The following RRP15 variants were observed in gnomAD, a reference collection of about 807,000 sequenced individuals.
RRP15 encodes ribosomal RNA processing 15 homolog.
A neutral mutation model predicts 27.1 loss-of-function variants in RRP15; 18 were observed. The observed-to-expected ratio is 0.66, with a 90% CI of 0.46 to 0.98. The LOEUF (loss-of-function observed/expected upper bound fraction) is 0.98, where lower values mean the gene tolerates loss of function less well. Ranked by LOEUF, RRP15 falls within the 50% of genes least tolerant of loss-of-function variation. RRP15 has a pLI of 0.00. For missense variants in RRP15, 359 were observed against 337.8 expected, an observed-to-expected ratio of 1.06 and a Z score of -0.49; for synonymous variants, 107 against 109.4, an observed-to-expected ratio of 0.98 and a Z score of 0.14.
intron 4 of RRP15, among the ~76,000 whole-genome samples, chr1:218,323,004 AGCTGGAC>A (rs1656212197): frequency 6.6e-6 from 1 of 152,200 alleles, no homozygotes. Flanking sequence ...GCGAGGCTGC[AGCTGGAC>A]CAGGTGTACT....
At chr1:218,313,982 A>G (rs1390544056) in intron 4 of RRP15, among the ~76,000 whole-genome samples, 1 of 149,974 alleles carries the variant, frequency 6.7e-6, no homozygotes, top group Admixed American at 6.6e-5. Context: ...TTTTTATTTT[A>G]TTTTATTTTA....
Position 218,302,304 on chromosome 1 carries a change from A to G in RRP15, c.150A>G (p.Gly50=). ...TDTSDSEGSC[G]SEKDHFYSDD... ...TCTTTGGTTCTATAGGAAGCTGTGGATCGGAAAAGGACCACTTTTATTCTG... is the reference window on the plus strand; with the variant it reads ...TCTTTGGTTCTATAGGAAGCTGTGGGTCGGAAAAGGACCACTTTTATTCTG... Residue 50 remains glycine (G), a synonymous_variant, in exon 2 of 5, where the codon GGA becomes GGG. Transcript: ENST00000366932. 1 of 1,612,370 alleles carries G rather than the reference A, an allele frequency of 6.2e-7. No individual in the cohort carries two copies. The highest frequency in any genetic ancestry group is 2.2e-5 in the East Asian group (1 of 44,840).
In RRP15 at chr1:218,335,467, A is replaced by G. The variant is rs1656434109; in HGVS notation, c.*4376A>G. ...AAAATTATAGGGACTAAAAGTCTAA[A>G]TCATTGCTGTCAATAGGACTTTTTT... is the stretch of plus-strand genomic sequence containing the variant. On this transcript the variant is annotated 3_prime_UTR_variant, in exon 5 of 5. Coordinates refer to ENST00000366932, the MANE Select transcript of RRP15 (RefSeq NM_016052.4). 6.6e-6 allele frequency: 1 copy of G among 152,220 alleles called. No individual in the cohort carries two copies. The highest frequency in any genetic ancestry group is 2.4e-5 in the African/African-American group (1 of 41,460). 9.4% of individuals were successfully genotyped at this position (152,220 alleles called of 1,614,324 possible).
chr1:218,313,689 A>G (rs1486199045), intron 4 of RRP15, among the ~76,000 whole-genome samples: 1 of 152,206 alleles, frequency 6.6e-6, no homozygotes, highest in Non-Finnish European at 1.5e-5. Context: ...CACCTGGGGC[A>G]GGCACTAATG....
chr1:218,333,688 G>A lies in RRP15; in HGVS notation c.*2597G>A, dbSNP rs945886676. ...ATTTTTTGTCTTTTTGATGTAGATG[G>A]GGTTACCCCATGTTGCCCAGGCTGG... On this transcript the variant is annotated 3_prime_UTR_variant, in exon 5 of 5. Coordinates refer to ENST00000366932, the MANE Select transcript of RRP15 (RefSeq NM_016052.4). The A allele has an allele frequency of 2.0e-5, 3 of 152,168 alleles. No individual in the cohort carries two copies. The highest frequency in any genetic ancestry group is 7.3e-5 in the African/African-American group (3 of 41,376). 9.4% of individuals were successfully genotyped at this position (152,168 alleles called of 1,614,324 possible).
At position 218,302,458 on chromosome 1, in the gene RRP15, A is replaced by G. The variant is rs1387199354; in HGVS notation, c.304A>G (p.Lys102Glu). The change falls in exon 2 of 5, where the codon AAG (lysine) becomes GAG (glutamate). Residue 102 changes from lysine (K) to glutamate (E), a missense_variant. Physicochemically the swap from Lys to Glu is moderately conservative, Grantham distance 56. Coordinates refer to ENST00000366932, the MANE Select transcript of RRP15 (RefSeq NM_016052.4). ...AGATGCTATGGCTAAAGTCCTCAAC[A>G]AGAAAACTCCTGAAAGTAAACCTAC... ...WADAMAKVLN[K>E]KTPESKPTIL... The G allele has an allele frequency of 4.3e-6, 7 of 1,614,186 alleles. No individual in the cohort carries two copies. The highest frequency in any genetic ancestry group is 5.9e-6 in the Non-Finnish European group (7 of 1,180,032).
At chr1:218,302,256 A>G (rs761100999) in intron 1 of RRP15, 38 bp from the exon 2 acceptor site, 3 of 1,550,930 alleles carry the variant, frequency 1.9e-6, no homozygotes, top group East Asian at 4.5e-5. Flanking sequence ...TGCCTAGGAT[A>G]TTAAAGTTTA....
intron 4 of RRP15, among the ~76,000 whole-genome samples, chr1:218,327,294 C>T (rs1171453714): frequency 6.6e-6 from 1 of 152,038 alleles, no homozygotes; most frequent in Non-Finnish European, 1.5e-5. Flanking sequence ...AGTCATTCTG[C>T]TGCCTTTAAA....
At position 218,331,022 on chromosome 1, in the gene RRP15, A is replaced by G. The variant is rs1656358635; in HGVS notation, c.780A>G (p.Lys260=). Residue 260 remains lysine (K), a synonymous_variant, in exon 5 of 5, where the codon AAA becomes AAG. Coordinates refer to ENST00000366932, the MANE Select transcript of RRP15 (RefSeq NM_016052.4). The part of the protein sequence containing the change: ...RDDFMMGASM[K]DWDKESDGPD... ...ATTTCATGATGGGAGCATCTATGAA[A>G]GACTGGGACAAGGAAAGTGATGGGC... 2 of 1,613,888 alleles carry G rather than the reference A, an allele frequency of 1.2e-6. No homozygotes were observed. The highest frequency in any genetic ancestry group is 2.2e-5 in the South Asian group (2 of 91,058).
At chr1:218,292,939 T>C (rs1040711583) in intron 1 of RRP15, among the ~76,000 whole-genome samples, 3 of 152,228 alleles carry the variant, frequency 2.0e-5, no homozygotes, top group Non-Finnish European at 1.5e-5. Flanking sequence ...TCCTCCACTT[T>C]GTCTTTTACA....
At chr1:218,292,854 A>G (rs376740875) in intron 1 of RRP15, among the ~76,000 whole-genome samples, 38 of 152,164 alleles carry the variant, frequency 2.5e-4, no homozygotes, top group African/African-American at 8.9e-4. Context: ...ATGGTACTCT[A>G]TTGGCATACT....
intron 1 of RRP15, among the ~76,000 whole-genome samples, chr1:218,287,296 A>T (rs1033513554): frequency 6.6e-6 from 1 of 151,966 alleles, no homozygotes; most frequent in Non-Finnish European, 1.5e-5. Context: ...GGATTTTTCT[A>T]TTCAAATACT....
At chr1:218,311,574 A>G (rs2102505109) in intron 4 of RRP15, among the ~76,000 whole-genome samples, 1 of 151,954 alleles carries the variant, frequency 6.6e-6, no homozygotes, top group South Asian at 2.1e-4. Context: ...TCCTGCTGCT[A>G]CTCTCTAAAC....
intron 4 of RRP15, among the ~76,000 whole-genome samples, chr1:218,319,918 G>A (rs978420433): frequency 4.0e-5 from 6 of 151,340 alleles, no homozygotes; most frequent in Admixed American, 1.3e-4. Context: ...TTGGCAGAGT[G>A]TATCTGAATA....
intron 4 of RRP15, among the ~76,000 whole-genome samples, chr1:218,329,104 A>C (rs1571810818): frequency 6.6e-6 from 1 of 151,908 alleles, no homozygotes; most frequent in East Asian, 1.9e-4. Flanking sequence ...TTTTTATTTA[A>C]AGAAAACCTG....
chr1:218,306,435 A>T (rs1194996710), intron 3 of RRP15, among the ~76,000 whole-genome samples: 1 of 152,114 alleles, frequency 6.6e-6, no homozygotes, highest in Non-Finnish European at 1.5e-5. Flanking sequence ...ATGTTACCTC[A>T]TCCCTCAAGG....
At chr1:218,285,872 ATG>A (rs1380007304) in intron 1 of RRP15, among the ~76,000 whole-genome samples, 1 of 152,120 alleles carries the variant, frequency 6.6e-6, no homozygotes, top group African/African-American at 2.4e-5. Context: ...TGTGCGGTAG[ATG>A]TGTGCGTGTT....
chr1:218,300,663 A>T (rs1183381762), intron 1 of RRP15, among the ~76,000 whole-genome samples: 6 of 152,230 alleles, frequency 3.9e-5, no homozygotes, highest in Non-Finnish European at 7.3e-5. Flanking sequence ...AAGGCAAATT[A>T]TGAACATTTT....
rs79376439 is a variant in RRP15, at chr1:218,306,191, C to T, written c.503+1066C>T. Among the ~76,000 whole-genome samples the T allele has an allele frequency of 6.3e-4, 96 of 152,210 alleles. No homozygotes were observed. In the East Asian group the frequency reaches 0.018, roughly 29 times the overall value. On this transcript the variant is annotated intron_variant, in intron 3 of 4. Coordinates refer to ENST00000366932, the MANE Select transcript of RRP15 (RefSeq NM_016052.4). The stretch of plus-strand genomic sequence containing the variant: ...CTAGCCTGTCAAAGTTTCCTGGATG[C>T]TGATAGAAGACAAGACACTTTGGAT...
Sources: gnomAD v4.1 joint callset for allele counts (sites outside exome capture counted in the v4.1 genomes callset) on GRCh38, gnomAD v4.1.1 for gene constraint, MANE v1.5 for transcripts, NCBI Gene and HGNC (gene_info 2026-07-23, HGNC 2026-07-21) for gene names.